Variants in TARBP1 observed in about 807,000 individuals in gnomAD.
TARBP1 encodes tRNA guanosine 2 -O-methyltransferase TARBP1.
In TARBP1, 144 loss-of-function variants were observed where a neutral mutation model predicts 178.6. The ratio of observed to expected loss-of-function variants is 0.81; its 90% confidence interval spans 0.70 to 0.93. The LOEUF (loss-of-function observed/expected upper bound fraction) is 0.93, where lower values mean the gene tolerates loss of function less well. Ranked by LOEUF, TARBP1 falls within the 40% of genes least tolerant of loss-of-function variation. TARBP1 has a pLI of 0.00. For synonymous variants in TARBP1, 787 were observed against 781.0 expected, an observed-to-expected ratio of 1.01 and a Z score of -0.13; for missense variants, 2,067 against 2,011.7, an observed-to-expected ratio of 1.03 and a Z score of -0.53.
chr1:234,402,699 C>T (rs978866436), intron 24 of TARBP1, among the ~76,000 whole-genome samples: 2 of 152,030 alleles, frequency 1.3e-5, no homozygotes, highest in Non-Finnish European at 2.9e-5. Flanking sequence ...CTCAGCCTCC[C>T]GAGGTGCTGG....
At chr1:234,405,789 G>C (rs1174063488) in intron 24 of TARBP1, 114 bp downstream of exon 24, 1 of 1,013,744 alleles carries the variant, frequency 9.9e-7, no homozygotes, top group Non-Finnish European at 1.5e-6. Context: ...CGATGCTCCA[G>C]GACGGCAGCA....
chr1:234,395,856 A>G (rs1317554795), intron 26 of TARBP1, among the ~76,000 whole-genome samples: 1 of 152,204 alleles, frequency 6.6e-6, no homozygotes, highest in Non-Finnish European at 1.5e-5. Flanking sequence ...GTTCTAGTAC[A>G]CAGTAAGATG....
At chr1:234,476,471 T>C (rs909150963) in intron 1 of TARBP1, among the ~76,000 whole-genome samples, 1 of 152,166 alleles carries the variant, frequency 6.6e-6, no homozygotes, top group Non-Finnish European at 1.5e-5. Context: ...TCTGGGCATG[T>C]AAGGGGACTC....
intron 9 of TARBP1, among the ~76,000 whole-genome samples, chr1:234,451,329 T>C (rs1666730009): frequency 6.6e-6 from 1 of 152,208 alleles, no homozygotes; most frequent in South Asian, 2.1e-4. Context: ...ATGAAGAAAA[T>C]AATTATGAAA....
At chr1:234,447,647 A>G (rs1666328928) in intron 11 of TARBP1, among the ~76,000 whole-genome samples, 1 of 152,180 alleles carries the variant, frequency 6.6e-6, no homozygotes, top group African/African-American at 2.4e-5. Context: ...TCTAGAAAAG[A>G]GATTTGATGT....
rs1660360437 is a variant in TARBP1, at chr1:234,398,434, A to C, written c.4191T>G (p.Ser1397=). The C allele has an allele frequency of 6.2e-7, 1 of 1,611,830 alleles. No homozygotes were observed. The highest frequency in any genetic ancestry group is 8.5e-7 in the Non-Finnish European group (1 of 1,178,686). The change falls in exon 26 of 30, where the codon TCT becomes TCG. Residue 1397 remains serine (S), a synonymous_variant. Transcript: ENST00000040877. ...GTTTTAGTTTACTAAGTTGAGTTTG[A>C]GAAAGGTACCACTGAAATCCCGCAG... The part of the protein sequence containing the change: ...PLAAGFQWYL[S]QTQLSKLKPG...
chr1:234,419,463 G>A (rs902020683), intron 21 of TARBP1, among the ~76,000 whole-genome samples: 4 of 152,126 alleles, frequency 2.6e-5, no homozygotes, highest in African/African-American at 9.7e-5. Context: ...ATGAGAATAT[G>A]TATGGCCTAC....
At chr1:234,406,820 C>T (rs1225749174) in intron 23 of TARBP1, 1 of 152,210 alleles carries the variant, frequency 6.6e-6, no homozygotes, top group Non-Finnish European at 1.5e-5. Context: ...CGGACCCAAA[C>T]TTTTAATGAA....
chr1:234,412,988 C>T (rs1365378810), intron 22 of TARBP1, among the ~76,000 whole-genome samples: 1 of 152,104 alleles, frequency 6.6e-6, no homozygotes, highest in Non-Finnish European at 1.5e-5. Context: ...ACATGACCCG[C>T]CTGCGCCCCC....
intron 6 of TARBP1, among the ~76,000 whole-genome samples, chr1:234,462,632 T>A (rs1315818959): frequency 7.3e-6 from 1 of 137,090 alleles, no homozygotes; most frequent in East Asian, 2.1e-4. Flanking sequence ...GAGGTTGCAG[T>A]GAGCTGAGAT....
chr1:234,453,336 T>A lies in TARBP1; in HGVS notation c.1723-2770A>T, dbSNP rs556422167. ...TCTGTACTTTTTTTGTGTGTTTTTT[T>A]TTTTTTTTACATTATTACTTTATTT... On this transcript the variant is annotated intron_variant, in intron 9 of 29. Transcript: ENST00000040877. Among the ~76,000 whole-genome samples the A allele has an allele frequency of 1.9e-4, 28 of 151,230 alleles. No individual in the cohort carries two copies. In the South Asian group the frequency reaches 5.8e-3, roughly 31 times the overall value.
chr1:234,471,063 T>C, intron 3 of TARBP1, 125 bp downstream of exon 3: 1 of 703,102 alleles, frequency 1.4e-6, no homozygotes, highest in Non-Finnish European at 2.4e-6. Flanking sequence ...CATTACAAGA[T>C]GATTATATTT....
At chr1:234,466,972 A>G (rs16843252) in intron 4 of TARBP1, among the ~76,000 whole-genome samples, 12,732 of 152,290 alleles carry the variant, frequency 0.084, 926 homozygotes, top group East Asian at 0.27. Flanking sequence ...GACTCACATG[A>G]CACCATAATA....
In TARBP1 at chr1:234,479,047, C is replaced by G. The variant is rs951645244; in HGVS notation, c.57G>C (p.Leu19=). ...LLSQSRDPRA[L]LGALCQGEAS... is the part of the protein sequence containing the mutation. ...CCTCCCCTTGGCACAGCGCCCCAAG[C>G]AGGGCCCGGGGGTCCCGGCTCTGCG... The change falls in exon 1 of 30, where the codon CTG becomes CTC. Residue 19 remains leucine, a synonymous_variant. Transcript: ENST00000040877. The G allele has an allele frequency of 1.3e-6, 2 of 1,539,144 alleles. No individual in the cohort carries two copies. Among genetic ancestry groups the G allele is most frequent in the Admixed American group, 1.9e-5 (1 of 52,108 alleles).
In TARBP1 at chr1:234,457,740, G is replaced by A. The variant is rs374883800; in HGVS notation, c.1649C>T (p.Ser550Phe). 1.2e-6 allele frequency: 2 copies of A among 1,608,350 alleles called. No homozygotes were observed. Among genetic ancestry groups the A allele is most frequent in the Non-Finnish European group, 1.7e-6 (2 of 1,176,540 alleles). Reference sequence around the variant, plus strand: ...AGACATGAGAAAAGTTGAGACATCAGAAAGTGACACTTTCTCCTGGGCAGG... The same window carrying A: ...AGACATGAGAAAAGTTGAGACATCAAAAAGTGACACTTTCTCCTGGGCAGG... Reference protein sequence around the residue: ...NLLDVEKVSLSDVSTFLMSLR... With the variant: ...NLLDVEKVSLFDVSTFLMSLR... The change falls in exon 9 of 30, where the codon TCT becomes TTT. Residue 550 changes from serine to phenylalanine, a missense_variant. Ser to Phe is a radical substitution (Grantham distance 155). Coordinates refer to ENST00000040877, the MANE Select transcript of TARBP1 (RefSeq NM_005646.4).
At position 234,391,433 on chromosome 1, in the gene TARBP1, G is replaced by C; in HGVS notation, c.*144C>G. On this transcript the variant is annotated 3_prime_UTR_variant, in exon 30 of 30. Transcript: ENST00000040877. ...GGAAAATATATAGTAATATGTTTAA[G>C]GCACATGGCAAACTTTTGGCATTAA... is the stretch of plus-strand genomic sequence containing the variant. 1.3e-6 allele frequency: 1 copy of C among 779,824 alleles called. No homozygotes were observed. The highest frequency in any genetic ancestry group is 2.0e-6 in the Non-Finnish European group (1 of 511,388). The allele number at this position is 779,824 out of a possible 1,614,324, so 48.3% of individuals were successfully genotyped here.
intron 6 of TARBP1, among the ~76,000 whole-genome samples, chr1:234,462,296 G>A (rs955551194): frequency 5.3e-5 from 8 of 152,168 alleles, no homozygotes; most frequent in South Asian, 2.1e-4. Flanking sequence ...CTTCACTCAC[G>A]TGTGCTACTG....
intron 22 of TARBP1, among the ~76,000 whole-genome samples, chr1:234,412,890 A>G (rs373946819): frequency 1.8e-4 from 28 of 152,208 alleles, no homozygotes; most frequent in African/African-American, 6.5e-4. Flanking sequence ...CTTCCACCCC[A>G]GCAGGGATGG....
Position 234,405,884 on chromosome 1 carries a change from G to T in TARBP1, c.3989+19C>A. ...GCTGGAGGAGAGTGAGGGCGATGAG[G>T]TTGACGAGGGCTCCTTACCCTGCTC... On this transcript the variant is annotated intron_variant, in intron 24 of 29. Transcript: ENST00000040877. 6.2e-7 allele frequency: 1 copy of T among 1,609,186 alleles called. No homozygotes were observed. The highest frequency in any genetic ancestry group is 8.5e-7 in the Non-Finnish European group (1 of 1,177,008).
Sources: gnomAD v4.1 joint callset for allele counts (sites outside exome capture counted in the v4.1 genomes callset) on GRCh38, gnomAD v4.1.1 for gene constraint, MANE v1.5 for transcripts, NCBI Gene and HGNC (gene_info 2026-07-23, HGNC 2026-07-21) for gene names.